The following NUDT18 variants were observed in gnomAD, a reference collection of about 807,000 sequenced individuals.
NUDT18 encodes the protein 8-oxo-dGDP phosphatase NUDT18.
NUDT18 carries 26 observed loss-of-function variants against 27.6 expected under a neutral mutation model. The ratio of observed to expected loss-of-function variants is 0.94; its 90% confidence interval spans 0.69 to 1.31. The LOEUF is 1.31. Ranked by LOEUF, NUDT18 falls within the 50% of genes most tolerant of loss-of-function variation. The pLI, the probability that NUDT18 is intolerant of heterozygous loss-of-function variation, is 0.00. For missense variants in NUDT18, 450 were observed against 433.4 expected (o/e 1.04, Z -0.34); for synonymous variants, 220 against 196.9 (o/e 1.12, Z -0.98).
At chr8:22,109,900 G>A, upstream of NUDT18, 1 of 356,996 alleles carries the variant, frequency 2.8e-6, no homozygotes. Flanking sequence ...AATGTCACAT[G>A]GCCCGTGGGG....
chr8:22,107,282 G>A lies in NUDT18; in HGVS notation c.*18C>T, dbSNP rs1826380579. The A allele has an allele frequency of 1.3e-6, 2 of 1,553,288 alleles. No homozygotes were observed. Among genetic ancestry groups the A allele is most frequent in the Non-Finnish European group, 1.7e-6 (2 of 1,146,222 alleles). Reference sequence around the variant, plus strand: ...AGGGAGCACGGCTGCCTAGCTCCCTGTCACCTCCCCCACCTCTCTATCTGT... The same window carrying A: ...AGGGAGCACGGCTGCCTAGCTCCCTATCACCTCCCCCACCTCTCTATCTGT... On this transcript the variant is annotated 3_prime_UTR_variant, in exon 3 of 3. Transcript: ENST00000611621.
At chr8:22,107,943 A>C in intron 2 of NUDT18, 48 bp from the exon 3 acceptor site, 1 of 1,468,602 alleles carries the variant, frequency 6.8e-7, no homozygotes, top group South Asian at 1.3e-5. Flanking sequence ...TGTGGAGAGA[A>C]GTGCAGCTCT....
Position 22,109,182 on chromosome 8 carries a change from TTCCGCAGCCGCACGGGCGCCGGCGGC to T in NUDT18, c.93_118del (p.Pro32GlufsTer16), listed in dbSNP as rs1826420083. ...GGCCAGCACCACGTAGCACACGTTCTTCCGCAGCCGCACGGGCGCCGGCGGCTCCCCGGCCGGCGCCGAGTCGCAGC... is the reference window on the plus strand; with the variant it reads ...GGCCAGCACCACGTAGCACACGTTCTTCCCCGGCCGGCGCCGAGTCGCAGC... On this transcript the variant is annotated frameshift_variant, in exon 1 of 3. Transcript: ENST00000611621. LOFTEE classifies it high-confidence loss of function. The T allele has an allele frequency of 5.5e-6, 8 of 1,453,812 alleles. No homozygotes were observed. The highest frequency in any genetic ancestry group is 3.0e-5 in the East Asian group (1 of 33,198). The allele number at this position is 1,453,812 out of a possible 1,614,324, so 90.1% of individuals were successfully genotyped here. A position where few individuals can be genotyped will look rare whatever the true frequency, so the allele number is the denominator to read the frequency against.
At position 22,107,618 on chromosome 8, in the gene NUDT18, G is replaced by A. The variant is rs1427719110; in HGVS notation, c.654C>T (p.Ala218=). 1.9e-6 allele frequency: 3 copies of A among 1,613,208 alleles called. No homozygotes were observed. Among genetic ancestry groups the A allele is most frequent in the Non-Finnish European group, 1.7e-6 (2 of 1,179,834 alleles). Residue 218 remains alanine, a synonymous_variant, in exon 3 of 3, where the codon GCC becomes GCT. Transcript: ENST00000611621. The stretch of plus-strand genomic sequence containing the variant: ...TCTGCTCCATAGGGTCGAGGCCACA[G>A]GCAGTGACAGGCAAGTGAGGCATCC... ...TVGMPHLPVT[A]CGLDPMEQRG... is the part of the protein sequence containing the mutation.
intron 1 of NUDT18, among the ~76,000 whole-genome samples, chr8:22,108,630 G>C (rs540586606): frequency 2.7e-4 from 41 of 152,344 alleles, no homozygotes; most frequent in Middle Eastern, 3.4e-3. Flanking sequence ...GTCACCATGT[G>C]TCTGTCTGTC....
rs2131740308 is a variant in NUDT18 at position 22,107,612 on chromosome 8, G to A, written c.660C>T (p.Gly220=). The part of the protein sequence containing the change: ...GMPHLPVTAC[G]LDPMEQRGGM... ...CACCCCTCTGCTCCATAGGGTCGAG[G>A]CCACAGGCAGTGACAGGCAAGTGAG... The change falls in exon 3 of 3, where the codon GGC becomes GGT. Residue 220 remains glycine, a synonymous_variant. Transcript: ENST00000611621. The A allele has an allele frequency of 2.5e-6, 4 of 1,613,184 alleles. No individual in the cohort carries two copies. Among genetic ancestry groups the A allele is most frequent in the Non-Finnish European group, 3.4e-6 (4 of 1,179,850 alleles).
Position 22,108,167 on chromosome 8 carries a change from G to C in NUDT18, c.342C>G (p.Ser114=). Residue 114 remains serine, a synonymous_variant, in exon 2 of 3, where the codon TCC becomes TCG. Transcript: ENST00000611621. ...GAGCGAGGAACACGAAGCGGACCCA[G>C]GAGGGGCCCCGCTCCTCCACGGACA... The part of the protein sequence containing the change: ...TLLSVEERGP[S]WVRFVFLARP... 1 of 1,560,420 alleles carries C rather than the reference G, an allele frequency of 6.4e-7. No individual in the cohort carries two copies. Among genetic ancestry groups the C allele is most frequent in the Non-Finnish European group, 8.7e-7 (1 of 1,153,382 alleles).
rs1467961068 is a variant in NUDT18, at chr8:22,108,166, A to G, written c.343T>C (p.Trp115Arg). 4.5e-6 allele frequency: 7 copies of G among 1,558,860 alleles called. No individual in the cohort carries two copies. Among genetic ancestry groups the G allele is most frequent in the Non-Finnish European group, 6.1e-6 (7 of 1,152,656 alleles). ...CGAGCGAGGAACACGAAGCGGACCC[A>G]GGAGGGGCCCCGCTCCTCCACGGAC... ...LLSVEERGPS[W>R]VRFVFLARPT... is the part of the protein sequence containing the mutation. Residue 115 changes from tryptophan to arginine, a missense_variant, in exon 2 of 3, where the codon TGG becomes CGG. Trp to Arg is a moderately radical substitution (Grantham distance 101). Coordinates refer to ENST00000611621, the MANE Select transcript of NUDT18 (RefSeq NM_024815.4).
Position 22,109,306 on chromosome 8 carries a change from C to G in NUDT18, c.-6G>C. 7.4e-7 allele frequency: 1 copy of G among 1,344,636 alleles called. No homozygotes were observed. Among genetic ancestry groups the G allele is most frequent in the East Asian group, 3.1e-5 (1 of 31,872 alleles). The allele number at this position is 1,344,636 out of a possible 1,614,324, so 83.3% of individuals were successfully genotyped here. The stretch of plus-strand genomic sequence containing the variant: ...GCCAGGCCCTCCGAGGCCATCGGGT[C>G]CCCCGGGGGGCGGCGGGCCGGATCC... On this transcript the variant is annotated 5_prime_UTR_variant, in exon 1 of 3. Coordinates refer to ENST00000611621, the MANE Select transcript of NUDT18 (RefSeq NM_024815.4).
chr8:22,109,484 G>A, upstream of NUDT18: 2 of 518,856 alleles, frequency 3.9e-6, no homozygotes, highest in South Asian at 3.1e-5. Flanking sequence ...GCTGCGCGGC[G>A]CCGCGGCCTG....
chr8:22,107,563 G>A lies in NUDT18; in HGVS notation c.709C>T (p.Leu237=). Residue 237 remains leucine, a synonymous_variant, in exon 3 of 3, where the codon CTG becomes TTG. Coordinates refer to ENST00000611621, the MANE Select transcript of NUDT18 (RefSeq NM_024815.4). ...TGCAGGGTCAGACACTCCTGCAGCA[G>A]CCGCAGGACGGCCATCTTCATGCCA... ...RGGMKMAVLR[L]LQECLTLHHL... 1.2e-6 allele frequency: 2 copies of A among 1,613,112 alleles called. No individual in the cohort carries two copies. The highest frequency in any genetic ancestry group is 1.7e-6 in the Non-Finnish European group (2 of 1,179,888).
chr8:22,107,710 C>G lies in NUDT18; in HGVS notation c.562G>C (p.Val188Leu), dbSNP rs554932005. The G allele has an allele frequency of 2.5e-6, 4 of 1,613,416 alleles. No individual in the cohort carries two copies. The East Asian group carries it at 6.7e-5, about 27-fold the overall frequency. Reference sequence around the variant, plus strand: ...AAGGTAGCCACGAGCCGCTGGCAGACCAGATCACAGGGTAGCTCTTGGGGC... The same window carrying G: ...AAGGTAGCCACGAGCCGCTGGCAGAGCAGATCACAGGGTAGCTCTTGGGGC... ...ILPQELPCDL[V>L]CQRLVATFTS... The change falls in exon 3 of 3, where the codon GTC (valine) becomes CTC (leucine). Residue 188 changes from valine (V) to leucine (L), a missense_variant. Physicochemically the swap from Val to Leu is conservative, Grantham distance 32 (BLOSUM62 1). Transcript: ENST00000611621.
chr8:22,109,407 G>T lies in NUDT18; in HGVS notation c.-107C>A. 5 of 323,406 alleles carry T rather than the reference G, an allele frequency of 1.5e-5. No homozygotes were observed. Among genetic ancestry groups the T allele is most frequent in the Non-Finnish European group, 2.2e-5 (5 of 231,056 alleles). 20.0% of individuals were successfully genotyped at this position (323,406 alleles called of 1,614,324 possible). The stretch of plus-strand genomic sequence containing the variant: ...CTCCCAGTCCCTGCGGCAGCGGGCC[G>T]GGAGCTCACGAGAACGCGGAAGCGC... On this transcript the variant is annotated 5_prime_UTR_variant, in exon 1 of 3. Transcript: ENST00000611621.
chr8:22,109,541 C>T (rs1244213369), upstream of NUDT18: 1 of 458,580 alleles, frequency 2.2e-6, no homozygotes, highest in South Asian at 2.3e-5. Context: ...CGGGGCCGCC[C>T]GGGGCCGCCC....
In NUDT18 at chr8:22,107,727, T is replaced by G; in HGVS notation, c.545A>C (p.Glu182Ala). 1 of 1,613,528 alleles carries G rather than the reference T, an allele frequency of 6.2e-7. No individual in the cohort carries two copies. Among genetic ancestry groups the G allele is most frequent in the Non-Finnish European group, 8.5e-7 (1 of 1,179,828 alleles). ...CTGGCAGACCAGATCACAGGGTAGCTCTTGGGGCAGAATGAGAGGGTGCCT... is the reference window on the plus strand; with the variant it reads ...CTGGCAGACCAGATCACAGGGTAGCGCTTGGGGCAGAATGAGAGGGTGCCT... ...QARHPLILPQELPCDLVCQRL... is the reference protein window; with the variant it reads ...QARHPLILPQALPCDLVCQRL... The change falls in exon 3 of 3, where the codon GAG (glutamate) becomes GCG (alanine). Residue 182 changes from glutamate to alanine, a missense_variant. By Grantham distance (107) the Glu-to-Ala change is moderately radical. Transcript: ENST00000611621.
rs1205806761 is a variant in NUDT18, at chr8:22,108,138, G to T, written c.371C>A (p.Pro124His). ...TGCCTCCAGGTGGGCCATACCTGTG[G>T]GGCGAGCGAGGAACACGAAGCGGAC... The part of the protein sequence containing the change: ...SWVRFVFLAR[P>H]TGGILKTSKE... Residue 124 changes from proline to histidine, a missense_variant, in exon 2 of 3, where the codon CCC becomes CAC. Pro to His is a moderately conservative substitution (Grantham distance 77). Coordinates refer to ENST00000611621, the MANE Select transcript of NUDT18 (RefSeq NM_024815.4). The T allele has an allele frequency of 3.3e-6, 5 of 1,520,522 alleles. No homozygotes were observed. Among genetic ancestry groups the T allele is most frequent in the Non-Finnish European group, 4.4e-6 (5 of 1,134,462 alleles). 94.2% of individuals were successfully genotyped at this position (1,520,522 alleles called of 1,614,324 possible).
chr8:22,108,289 G>A lies in NUDT18; in HGVS notation c.220C>T (p.Pro74Ser). 1 of 1,594,334 alleles carries A rather than the reference G, an allele frequency of 6.3e-7. No homozygotes were observed. The highest frequency in any genetic ancestry group is 8.5e-7 in the Non-Finnish European group (1 of 1,171,840). ...KRECRGSWYL[P>S]AGRMEPGETI... ...TCCCCTGGCTCCATTCTCCCCGCAG[G>A]CAGGTACCACGACCCCCGGCACTCC... is the stretch of plus-strand genomic sequence containing the variant. The change falls in exon 2 of 3, where the codon CCT becomes TCT. Residue 74 changes from proline to serine, a missense_variant. Coordinates refer to ENST00000611621, the MANE Select transcript of NUDT18 (RefSeq NM_024815.4).
At position 22,108,202 on chromosome 8, in the gene NUDT18, C is replaced by T. The variant is rs1034453427; in HGVS notation, c.307G>A (p.Glu103Lys). Residue 103 changes from glutamate to lysine, a missense_variant, in exon 2 of 3, where the codon GAG becomes AAG. By Grantham distance (56) the Glu-to-Lys change is moderately conservative. Coordinates refer to ENST00000611621, the MANE Select transcript of NUDT18 (RefSeq NM_024815.4). The part of the protein sequence containing the change: ...KEEAGLHCEP[E>K]TLLSVEERGP... ...CGCTCCTCCACGGACAGCAGTGTCT[C>T]GGGCTCACAGTGCAGCCCCGCCTCC... 2.5e-6 allele frequency: 4 copies of T among 1,592,258 alleles called. No homozygotes were observed. Among genetic ancestry groups the T allele is most frequent in the East Asian group, 4.5e-5 (2 of 43,994 alleles).
chr8:22,110,457 T>C (rs1221740084), upstream of NUDT18, among the ~76,000 whole-genome samples: 1 of 152,242 alleles, frequency 6.6e-6, no homozygotes, highest in African/African-American at 2.4e-5. Flanking sequence ...TTTGTGCGCC[T>C]CCCTGCTAGG....
Sources: gnomAD v4.1 joint callset for allele counts (sites outside exome capture counted in the v4.1 genomes callset) on GRCh38, gnomAD v4.1.1 for gene constraint, MANE v1.5 for transcripts, NCBI Gene and HGNC (gene_info 2026-07-23, HGNC 2026-07-21) for gene names.